Variants in PHF21A observed in about 807,000 individuals in gnomAD.
PHF21A encodes the protein BHC80a.
Under a neutral mutation model 82.5 loss-of-function variants are expected in PHF21A, and 11 were observed. That is an observed-to-expected ratio of 0.13 (90% CI 0.08 to 0.22). PHF21A has a LOEUF of 0.22. Among genes scored for constraint, PHF21A ranks in the 10% least tolerant of loss-of-function variants. The pLI is 1.00. For synonymous variants in PHF21A, 297 were observed against 302.8 expected, an observed-to-expected ratio of 0.98 and a Z score of 0.20; for missense variants, 579 against 837.8, an observed-to-expected ratio of 0.69 and a Z score of 3.81.
intron 10 of PHF21A, among the ~76,000 whole-genome samples, chr11:45,964,819 G>A (rs1690513983): frequency 6.6e-6 from 1 of 152,184 alleles, no homozygotes; most frequent in Non-Finnish European, 1.5e-5. Context: ...ATCCTCTAAA[G>A]TTAAAGAATG....
intron 1 of PHF21A, among the ~76,000 whole-genome samples, chr11:46,094,082 T>C (rs1593136231): frequency 6.6e-6 from 1 of 152,166 alleles, no homozygotes. Context: ...CCACAATATA[T>C]AAAATATGTT....
chr11:46,079,487 T>C (rs1315431662), intron 4 of PHF21A, among the ~76,000 whole-genome samples: 5 of 152,214 alleles, frequency 3.3e-5, no homozygotes, highest in Non-Finnish European at 7.3e-5. Context: ...CTTTCAAATG[T>C]TGTCAATGTC....
At chr11:46,104,665 T>C (rs1238509043) in intron 1 of PHF21A, among the ~76,000 whole-genome samples, 4 of 152,132 alleles carry the variant, frequency 2.6e-5, no homozygotes, top group Non-Finnish European at 4.4e-5. Context: ...GGGACTGTAA[T>C]AATAACAATA....
intron 3 of PHF21A, among the ~76,000 whole-genome samples, chr11:46,084,808 T>C (rs1027929718): frequency 1.3e-5 from 2 of 151,790 alleles, no homozygotes; most frequent in Admixed American, 6.6e-5. Context: ...GCCTCCAGAG[T>C]AGCTGGGACT....
intron 6 of PHF21A, among the ~76,000 whole-genome samples, chr11:46,011,457 A>G (rs528680626): frequency 3.3e-5 from 5 of 152,004 alleles, no homozygotes; most frequent in African/African-American, 9.6e-5. Flanking sequence ...GTGCCACTGC[A>G]CTCCAGCCTG....
At chr11:45,950,844 C>T (rs1214740453) in intron 11 of PHF21A, among the ~76,000 whole-genome samples, 3 of 152,216 alleles carry the variant, frequency 2.0e-5, no homozygotes, top group African/African-American at 7.2e-5. Flanking sequence ...GAGTGTTTCA[C>T]TTGTCACGAC....
chr11:46,109,251 G>C (rs1393900740), intron 1 of PHF21A, among the ~76,000 whole-genome samples: 2 of 152,186 alleles, frequency 1.3e-5, no homozygotes, highest in African/African-American at 2.4e-5. Flanking sequence ...TTGTAAAATG[G>C]AGGTAGGATA....
chr11:45,971,497 G>T, intron 7 of PHF21A, 130 bp from the exon 8 acceptor site: 1 of 850,424 alleles, frequency 1.2e-6, no homozygotes, highest in Non-Finnish European at 1.8e-6. Context: ...AAGTTTCTCT[G>T]TAGAACAACA....
In PHF21A at chr11:45,970,033, T is replaced by C. The variant is rs905335372; in HGVS notation, c.613-129A>G. 2.6e-5 allele frequency: 19 copies of C among 733,084 alleles called. No homozygotes were observed. The Admixed American group carries it at 2.7e-4, about 10-fold the overall frequency. The allele number at this position is 733,084 out of a possible 1,614,324, so 45.4% of individuals were successfully genotyped here. ...ACAAGCTTTCATCGTAAGTTAATCATCTGAATTAACACTGCATTAGGAAAC... is the reference window on the plus strand; with the variant it reads ...ACAAGCTTTCATCGTAAGTTAATCACCTGAATTAACACTGCATTAGGAAAC... On this transcript the variant is annotated intron_variant, in intron 8 of 18. Transcript: ENST00000676320.
intron 6 of PHF21A, among the ~76,000 whole-genome samples, chr11:46,041,493 C>T (rs891950438): frequency 6.6e-6 from 1 of 152,042 alleles, no homozygotes; most frequent in South Asian, 2.1e-4. Flanking sequence ...ATCTGAAAGT[C>T]AGAAGTCTCT....
intron 6 of PHF21A, among the ~76,000 whole-genome samples, chr11:46,043,060 A>ACC (rs1334765515): frequency 6.6e-6 from 1 of 152,018 alleles, no homozygotes; most frequent in East Asian, 1.9e-4. Context: ...CTACTGTCCT[A>ACC]CCCCTCCTTT....
intron 6 of PHF21A, among the ~76,000 whole-genome samples, chr11:46,059,869 G>A (rs2096511187): frequency 6.6e-6 from 1 of 152,124 alleles, no homozygotes; most frequent in Non-Finnish European, 1.5e-5. Flanking sequence ...TGGGATTACA[G>A]GCACCCACCA....
chr11:46,119,921 C>A (rs1393498441), intron 1 of PHF21A: 1 of 146,356 alleles, frequency 6.8e-6, no homozygotes, highest in Non-Finnish European at 1.5e-5. Context: ...GCGGCCGCGG[C>A]CCCTCTCGGA....
At chr11:45,949,505 T>C (rs2091817914) in intron 12 of PHF21A, 24 bp from the exon 13 acceptor site, 4 of 1,597,354 alleles carry the variant, frequency 2.5e-6, no homozygotes, top group Non-Finnish European at 3.4e-6. Context: ...AAGGTTTTCA[T>C]TAGCAGAGAG....
At chr11:46,055,275 A>T (rs2096436003) in intron 6 of PHF21A, among the ~76,000 whole-genome samples, 2 of 152,184 alleles carry the variant, frequency 1.3e-5, no homozygotes, top group East Asian at 3.8e-4. Flanking sequence ...GCATTAAATT[A>T]TGGATTTCAT....
intron 2 of PHF21A, among the ~76,000 whole-genome samples, chr11:46,091,614 A>G (rs1185290969): frequency 6.6e-6 from 1 of 152,246 alleles, no homozygotes; most frequent in South Asian, 2.1e-4. Flanking sequence ...CCCAAATTTC[A>G]AAGTCAAGTT....
intron 6 of PHF21A, among the ~76,000 whole-genome samples, chr11:46,002,228 G>A (rs745439893): frequency 6.6e-6 from 1 of 151,956 alleles, no homozygotes; most frequent in Non-Finnish European, 1.5e-5. Context: ...TTATAATCTG[G>A]CACACTGGGC....
intron 6 of PHF21A, among the ~76,000 whole-genome samples, chr11:45,990,497 C>T (rs1395804543): frequency 6.6e-6 from 1 of 151,790 alleles, no homozygotes; most frequent in African/African-American, 2.4e-5. Flanking sequence ...TGGACTCAAG[C>T]GATCCACCCG....
At chr11:46,078,649 TAAAATTTTCTA>T (rs2096756243) in intron 5 of PHF21A, among the ~76,000 whole-genome samples, 1 of 152,118 alleles carries the variant, frequency 6.6e-6, no homozygotes, top group Non-Finnish European at 1.5e-5. Flanking sequence ...CTTTCAAAAA[TAAAATTTTCTA>T]AAATGCTTCT....
Sources: gnomAD v4.1 joint callset for allele counts (sites outside exome capture counted in the v4.1 genomes callset) on GRCh38, gnomAD v4.1.1 for gene constraint, MANE v1.5 for transcripts, NCBI Gene and HGNC (gene_info 2026-07-23, HGNC 2026-07-21) for gene names.